Variants in BMAL1 observed in about 807,000 individuals in gnomAD.
BMAL1 encodes the protein basic helix-loop-helix ARNT like 1, also known as basic helix-loop-helix ARNT-like protein 1.
At chr11:13,361,342 CTG>C in the BMAL1 span, among the ~76,000 whole-genome samples, 1 of 152,096 alleles carries the variant, frequency 6.6e-6, no homozygotes, top group African/African-American at 2.4e-5. Context: ...GGGAAAGAAA[CTG>C]GATTCAGAAA....
At chr11:13,378,420 GCTGAGGAAATCATGGAAATCCAC>G in the BMAL1 span, 1 of 1,612,960 alleles carries the variant, frequency 6.2e-7, no homozygotes, top group African/African-American at 1.3e-5. Context: ...CCGAATGATT[GCTGAGGAAATCATGGAAATCCAC>G]AGGCAAGTAA....
the BMAL1 span, among the ~76,000 whole-genome samples, chr11:13,322,956 A>ATT: frequency 1.4e-5 from 2 of 141,132 alleles, no homozygotes; most frequent in Admixed American, 7.1e-5. Flanking sequence ...TGCCTGTCTG[A>ATT]TTTTTTTTTT....
the BMAL1 span, chr11:13,378,621 C>T: frequency 1.3e-6 from 1 of 798,596 alleles, no homozygotes; most frequent in East Asian, 2.8e-5. Context: ...TGTTAAACAT[C>T]CTACAGTAAA....
chr11:13,277,527 T>C, the BMAL1 span: 1 of 151,976 alleles, frequency 6.6e-6, no homozygotes, highest in Admixed American at 6.6e-5. Flanking sequence ...GTAAACCGGC[T>C]CCCGCCGCCT....
At chr11:13,280,562 G>A in the BMAL1 span, among the ~76,000 whole-genome samples, 1 of 152,234 alleles carries the variant, frequency 6.6e-6, no homozygotes, top group Non-Finnish European at 1.5e-5. Context: ...GTGATTACAT[G>A]CAGTGATTTT....
chr11:13,350,914 C>A, the BMAL1 span, among the ~76,000 whole-genome samples: 1 of 152,098 alleles, frequency 6.6e-6, no homozygotes, highest in Non-Finnish European at 1.5e-5. Flanking sequence ...AATTAATATT[C>A]TTAGTATACA....
the BMAL1 span, among the ~76,000 whole-genome samples, chr11:13,318,560 T>C: frequency 7.4e-4 from 111 of 149,476 alleles, 1 homozygote; most frequent in African/African-American, 2.6e-3. Flanking sequence ...TTTTTTTTTT[T>C]TTTTTTTTTT....
the BMAL1 span, among the ~76,000 whole-genome samples, chr11:13,285,761 A>G: frequency 1.3e-5 from 2 of 152,322 alleles, no homozygotes; most frequent in Non-Finnish European, 1.5e-5. Flanking sequence ...ATACTTACAT[A>G]CAGAATTATA....
At chr11:13,315,857 G>T in the BMAL1 span, among the ~76,000 whole-genome samples, 3 of 152,150 alleles carry the variant, frequency 2.0e-5, no homozygotes, top group Non-Finnish European at 2.9e-5. Context: ...TTGCATCACA[G>T]GAGGGTGGGC....
chr11:13,385,785 A>C, the BMAL1 span: 1 of 1,609,190 alleles, frequency 6.2e-7, no homozygotes, highest in Non-Finnish European at 8.5e-7. Flanking sequence ...TAGTTCTTCT[A>C]TTCTTGGTAA....
chr11:13,329,634 C>T, the BMAL1 span, among the ~76,000 whole-genome samples: 37,201 of 152,168 alleles, frequency 0.24, 4,902 homozygotes, highest in East Asian at 0.45. Flanking sequence ...CTGTCATCTC[C>T]TGATTCTCTG....
At chr11:13,343,395 G>A in the BMAL1 span, among the ~76,000 whole-genome samples, 2 of 152,196 alleles carry the variant, frequency 1.3e-5, no homozygotes, top group African/African-American at 4.8e-5. Flanking sequence ...CCTGTTGAAA[G>A]AGTAATCTCC....
chr11:13,340,166 G>C, the BMAL1 span, among the ~76,000 whole-genome samples: 15 of 152,152 alleles, frequency 9.9e-5, no homozygotes, highest in Admixed American at 9.8e-4. Flanking sequence ...AAGGCTTTGG[G>C]GCAGTGGTAG....
the BMAL1 span, chr11:13,381,054 C>A: frequency 2.6e-6 from 3 of 1,171,844 alleles, no homozygotes; most frequent in South Asian, 2.7e-5. Context: ...AAAAAGCTTG[C>A]CAAACCCTAA....
chr11:13,355,189 G>A, the BMAL1 span: 2 of 1,588,498 alleles, frequency 1.3e-6, no homozygotes, highest in Non-Finnish European at 1.7e-6. Flanking sequence ...TCTCCGAGGA[G>A]GTATACCCCC....
the BMAL1 span, among the ~76,000 whole-genome samples, chr11:13,279,741 A>G: frequency 6.6e-6 from 1 of 152,248 alleles, no homozygotes; most frequent in Admixed American, 6.5e-5. Flanking sequence ...GAAGGTTTGG[A>G]AATTTCCTGG....
At chr11:13,353,427 C>T in the BMAL1 span, 1 of 152,170 alleles carries the variant, frequency 6.6e-6, no homozygotes, top group African/African-American at 2.4e-5. Flanking sequence ...GCTAGGGACC[C>T]CCAAACAAGC....
the BMAL1 span, among the ~76,000 whole-genome samples, chr11:13,364,792 G>GA: frequency 3.8e-3 from 583 of 152,306 alleles, 6 homozygotes; most frequent in African/African-American, 0.013. Flanking sequence ...TTAAACTGAA[G>GA]AAGGGGTAAG....
At chr11:13,381,594 C>T in the BMAL1 span, among the ~76,000 whole-genome samples, 2 of 152,118 alleles carry the variant, frequency 1.3e-5, no homozygotes, top group Non-Finnish European at 2.9e-5. Context: ...CATTTTCTGC[C>T]AGGAATTTTC....
Sources: allele counts gnomAD v4.1 joint callset (sites outside exome capture counted in the v4.1 genomes callset), GRCh38; gene constraint gnomAD v4.1.1; transcripts MANE v1.5; gene names NCBI Gene and HGNC (gene_info 2026-07-23, HGNC 2026-07-21).